PCSK5: variants seen among roughly 807,000 people sequenced by gnomAD.
The protein encoded by PCSK5 is prohormone convertase 5.
PCSK5 carries 129 observed loss-of-function variants against 233.2 expected under a neutral mutation model. The observed-to-expected ratio is 0.55, with a 90% CI of 0.48 to 0.64. The LOEUF (loss-of-function observed/expected upper bound fraction) is 0.64, where lower values mean the gene tolerates loss of function less well. Ranked by LOEUF, PCSK5 falls within the 30% of genes least tolerant of loss-of-function variation. The probability of loss-of-function intolerance (pLI) is 0.00; values close to 1 mark genes in which losing one functional copy is unlikely to be tolerated. For missense variants in PCSK5, 2,076 were observed against 2,430.1 expected, an observed-to-expected ratio of 0.85 and a Z score of 3.06; for synonymous variants, 825 against 879.2, an observed-to-expected ratio of 0.94 and a Z score of 1.09.
At chr9:76,325,402 A>C (rs1412269315) in intron 32 of PCSK5, among the ~76,000 whole-genome samples, 2 of 152,170 alleles carry the variant, frequency 1.3e-5, no homozygotes, top group African/African-American at 4.8e-5. Context: ...CATTAGAATC[A>C]CCTGGGCAGC....
intron 2 of PCSK5, among the ~76,000 whole-genome samples, chr9:75,942,885 C>CTTT (rs1393843650): frequency 1.2e-5 from 1 of 85,714 alleles, no homozygotes; most frequent in African/African-American, 5.0e-5. Flanking sequence ...TCTTCTTCTT[C>CTTT]TTTTTTTTTT....
intron 33 of PCSK5, among the ~76,000 whole-genome samples, chr9:76,330,699 C>G (rs545083307): frequency 1.3e-5 from 2 of 152,246 alleles, no homozygotes; most frequent in Admixed American, 6.5e-5. Context: ...AGGACACCAT[C>G]CCCCTGCTAA....
rs150206705 is a variant in PCSK5, at chr9:76,001,565, T to C, written c.411+15320T>C. ...AATATTCCAACGATATGCATTACTCTAGCTTGCACAGGCAATAGTAAGTGG... is the reference window on the plus strand; with the variant it reads ...AATATTCCAACGATATGCATTACTCCAGCTTGCACAGGCAATAGTAAGTGG... On this transcript the variant is annotated intron_variant, in intron 3 of 37. Coordinates refer to ENST00000674117, the MANE Select transcript of PCSK5 (RefSeq NM_001372043.1). Among the ~76,000 whole-genome samples the C allele has an allele frequency of 5.4e-5, 8 of 148,956 alleles. No homozygotes were observed. The East Asian group carries it at 1.6e-3, about 31-fold the overall frequency.
chr9:76,071,695 T>A lies in PCSK5; in HGVS notation c.722-31T>A, dbSNP rs1198035455. On this transcript the variant is annotated intron_variant, in intron 6 of 37. Coordinates refer to ENST00000674117, the MANE Select transcript of PCSK5 (RefSeq NM_001372043.1). Reference sequence around the variant, plus strand: ...TTGAGTGTTGTGTAGGGAAGCCCTGTAATGAGCTAGTTCTCCTTTCTGTGT... The same window carrying A: ...TTGAGTGTTGTGTAGGGAAGCCCTGAAATGAGCTAGTTCTCCTTTCTGTGT... 4 of 1,587,674 alleles carry A rather than the reference T, an allele frequency of 2.5e-6. No individual in the cohort carries two copies. In the Admixed American group the frequency reaches 5.1e-5, roughly 20 times the overall value.
intron 25 of PCSK5, among the ~76,000 whole-genome samples, chr9:76,293,883 C>A (rs114788747): frequency 1.6e-3 from 251 of 152,322 alleles, no homozygotes; most frequent in African/African-American, 5.9e-3. Context: ...ACTTTGAATA[C>A]AGCGAGTGAA....
At chr9:76,258,561 AC>A (rs1201105830) in intron 24 of PCSK5, among the ~76,000 whole-genome samples, 5 of 152,238 alleles carry the variant, frequency 3.3e-5, no homozygotes, top group African/African-American at 1.2e-4. Context: ...TAGAAATCTT[AC>A]ATGAATTGAA....
Position 76,023,723 on chromosome 9 carries a change from CTCT to C in PCSK5, c.412-7_412-5del, listed in dbSNP as rs748814143. 1.3e-6 allele frequency: 2 copies of C among 1,591,254 alleles called. No individual in the cohort carries two copies. The highest frequency in any genetic ancestry group is 1.7e-6 in the Non-Finnish European group (2 of 1,170,716). The stretch of plus-strand genomic sequence containing the variant: ...CACTATTTAGTAATCTTGCAGCATG[CTCT>C]TCTTCTTTCAGCACTGCAGTGACAA... On this transcript the variant is annotated splice_polypyrimidine_tract_variant and intron_variant, in intron 3 of 37. Coordinates refer to ENST00000674117, the MANE Select transcript of PCSK5 (RefSeq NM_001372043.1).
chr9:76,064,037 GC>G (rs1406746333), intron 5 of PCSK5, among the ~76,000 whole-genome samples: 3 of 101,152 alleles, frequency 3.0e-5, no homozygotes, highest in African/African-American at 5.3e-5. Flanking sequence ...CCCGGACGGG[GC>G]AGCTGGCCGG....
intron 20 of PCSK5, among the ~76,000 whole-genome samples, chr9:76,226,233 G>C (rs937759700): frequency 1.3e-5 from 2 of 152,068 alleles, no homozygotes; most frequent in African/African-American, 2.4e-5. Flanking sequence ...TACATGAAAG[G>C]CTTTTTCTGC....
At chr9:76,290,222 G>A (rs1828235638) in intron 24 of PCSK5, among the ~76,000 whole-genome samples, 1 of 152,200 alleles carries the variant, frequency 6.6e-6, no homozygotes, top group South Asian at 2.1e-4. Flanking sequence ...AACTAGTCCA[G>A]GGGAACCACT....
chr9:76,313,744 T>A (rs1227654441), intron 30 of PCSK5, among the ~76,000 whole-genome samples: 2 of 152,166 alleles, frequency 1.3e-5, no homozygotes, highest in Non-Finnish European at 2.9e-5. Flanking sequence ...CTTAGCATAA[T>A]GTTTTCCAGC....
Position 75,891,060 on chromosome 9 carries a change from G to GGCTGCGAGCTGCGGCGGCCCGGT in PCSK5, c.-100_-99insTGCTGCGAGCTGCGGCGGCCCGG. The stretch of plus-strand genomic sequence containing the variant: ...TAGCCGCCTCCTGCCGATCGCCCGG[G>GGCTGCGAGCTGCGGCGGCCCGGT]GCTGCGAGCTGCGGCGGCCCGGGGC... On this transcript the variant is annotated 5_prime_UTR_variant, in exon 1 of 38. Coordinates refer to ENST00000674117, the MANE Select transcript of PCSK5 (RefSeq NM_001372043.1). The GGCTGCGAGCTGCGGCGGCCCGGT allele has an allele frequency of 2.2e-6, 2 of 903,298 alleles. No homozygotes were observed. The highest frequency in any genetic ancestry group is 3.0e-6 in the Non-Finnish European group (2 of 660,798). 56.0% of individuals were successfully genotyped at this position (903,298 alleles called of 1,614,324 possible).
Position 75,935,733 on chromosome 9 carries a change from T to C in PCSK5, c.297+3250T>C, listed in dbSNP as rs568236007. Reference sequence around the variant, plus strand: ...AGTACAAGCCAGTTATTTTGTAGAATATTTCTCAAGTTGGGTTTGTCTGTT... The same window carrying C: ...AGTACAAGCCAGTTATTTTGTAGAACATTTCTCAAGTTGGGTTTGTCTGTT... On this transcript the variant is annotated intron_variant, in intron 2 of 37. Transcript: ENST00000674117. Among the ~76,000 whole-genome samples, 4 of 152,320 alleles carry C rather than the reference T, an allele frequency of 2.6e-5. No homozygotes were observed. In the South Asian group the frequency reaches 8.3e-4, roughly 32 times the overall value.
In PCSK5 at chr9:76,037,473, AG is replaced by A. The variant is rs1828912362; in HGVS notation, c.632+10438del. Among the ~76,000 whole-genome samples the A allele has an allele frequency of 3.3e-5, 5 of 152,342 alleles. No individual in the cohort carries two copies. The South Asian group carries it at 8.3e-4, about 25-fold the overall frequency. ...GTACAGATGTTGTTAATATTATTACAGGTGACAGTAAGTAAAGATAAGGTTT... is the reference window on the plus strand; with the variant it reads ...GTACAGATGTTGTTAATATTATTACAGTGACAGTAAGTAAAGATAAGGTTT... On this transcript the variant is annotated intron_variant, in intron 5 of 37. Coordinates refer to ENST00000674117, the MANE Select transcript of PCSK5 (RefSeq NM_001372043.1).
At chr9:76,151,855 ACTTGAGTGAGAACACAAAT>A (rs1823686283) in intron 10 of PCSK5, among the ~76,000 whole-genome samples, 2 of 152,124 alleles carry the variant, frequency 1.3e-5, no homozygotes, top group African/African-American at 2.4e-5. Flanking sequence ...CTCACCTTCT[ACTTGAGTGAGAACACAAAT>A]TATTTTCTGT....
rs141253296 is a variant in PCSK5, at chr9:76,137,062, T to G, written c.1312+2850T>G. 5.9e-5 allele frequency among the ~76,000 whole-genome samples: 9 copies of G among 152,208 alleles called. No homozygotes were observed. In the East Asian group the frequency reaches 1.5e-3, roughly 26 times the overall value. On this transcript the variant is annotated intron_variant, in intron 10 of 37. Transcript: ENST00000674117. ...GGCTGGATGATGTGTGAGCTAGACT[T>G]GTGTGCAGCCCTCCTGAAGGCAGAC...
chr9:76,049,157 C>G (rs1226187642), intron 5 of PCSK5, among the ~76,000 whole-genome samples: 3 of 151,926 alleles, frequency 2.0e-5, no homozygotes, highest in Non-Finnish European at 4.4e-5. Context: ...GCATGTGTCC[C>G]CATAAAGCCT....
intron 2 of PCSK5, among the ~76,000 whole-genome samples, chr9:75,958,899 G>A (rs901978619): frequency 6.6e-6 from 1 of 152,180 alleles, no homozygotes; most frequent in African/African-American, 2.4e-5. Context: ...CCCCTGTGTC[G>A]CTTAACAAGG....
chr9:75,962,166 AC>A (rs1477931174), intron 2 of PCSK5, among the ~76,000 whole-genome samples: 11 of 152,028 alleles, frequency 7.2e-5, no homozygotes, highest in Non-Finnish European at 1.5e-4. Context: ...GTCAGGGAAG[AC>A]CTCTCTGAGT....
Sources: gnomAD v4.1 joint callset for allele counts (sites outside exome capture counted in the v4.1 genomes callset) on GRCh38, gnomAD v4.1.1 for gene constraint, MANE v1.5 for transcripts, NCBI Gene and HGNC (gene_info 2026-07-23, HGNC 2026-07-21) for gene names.